The following TBC1D24 variants were observed in gnomAD, a reference collection of about 807,000 sequenced individuals.
The protein encoded by TBC1D24 is Infantile myoclonic epilepsy.
In TBC1D24, 47 loss-of-function variants were observed where a neutral mutation model predicts 50.7. The ratio of observed to expected loss-of-function variants is 0.93; its 90% CI spans 0.73 to 1.18. The LOEUF is 1.18. Among genes scored for constraint, TBC1D24 ranks in the 50% most tolerant of loss-of-function variants. The probability of loss-of-function intolerance (pLI) is 0.00; values close to 1 mark genes in which losing one functional copy is unlikely to be tolerated. For missense variants in TBC1D24, 688 were observed against 766.5 expected, an observed-to-expected ratio of 0.90 and a Z score of 1.21; for synonymous variants, 324 against 335.2, an observed-to-expected ratio of 0.97 and a Z score of 0.36.
rs1306595097 is a variant in TBC1D24 at position 2,499,802 on chromosome 16, G to T, written c.1207-33G>T. 2.5e-6 allele frequency: 4 copies of T among 1,594,118 alleles called. No individual in the cohort carries two copies. The African/African-American group carries it at 5.4e-5, about 21-fold the overall frequency. On this transcript the variant is annotated intron_variant, in intron 5 of 7. Transcript: ENST00000646147. This position sits in a 1 kb window ranked among gnomAD's most constrained non-coding sequence, Gnocchi z 4.0. The stretch of plus-strand genomic sequence containing the variant: ...AGCACAGGGACGCTCCTGGGGGCCT[G>T]CGGGCACAGCCTCACCCAGACCTTT...
intron 1 of TBC1D24, 67 bp from the exon 2 acceptor site, chr16:2,495,967 A>G: frequency 2.5e-6 from 2 of 808,986 alleles, no homozygotes; most frequent in Non-Finnish European, 3.9e-6. Context: ...CCACATTTGA[A>G]AAAATACGTT....
chr16:2,500,898 C>A lies in TBC1D24; in HGVS notation c.1620C>A (p.Ser540=), dbSNP rs781723084. ...CCTTCAACAACCAGCCCCTCTGCTCCGAGAACTTCCTCATTGCTGCCGTGG... is the reference window on the plus strand; with the variant it reads ...CCTTCAACAACCAGCCCCTCTGCTCAGAGAACTTCCTCATTGCTGCCGTGG... The part of the protein sequence containing the change: ...CDTFNNQPLC[S]ENFLIAAVEA... Residue 540 remains serine (S), a synonymous_variant, in exon 8 of 8, where the codon TCC becomes TCA. Coordinates refer to ENST00000646147, the MANE Select transcript of TBC1D24 (RefSeq NM_001199107.2). The surrounding 1 kb of genome is among the most constrained non-coding windows in gnomAD (Gnocchi z 8.0). 4 of 1,613,218 alleles carry A rather than the reference C, an allele frequency of 2.5e-6. No homozygotes were observed. The highest frequency in any genetic ancestry group is 3.4e-6 in the Non-Finnish European group (4 of 1,179,966).
At position 2,496,637 on chromosome 16, in the gene TBC1D24, C is replaced by A; in HGVS notation, c.489C>A (p.Asp163Glu). ...CCTGCCGCATCCTGGCCTGCAATGACCCCGGCAGGAGGCTGATCGACCAGA... is the reference window on the plus strand; with the variant it reads ...CCTGCCGCATCCTGGCCTGCAATGAACCCGGCAGGAGGCTGATCGACCAGA... ...EKACRILACN[D>E]PGRRLIDQSF... The change falls in exon 2 of 8, where the codon GAC becomes GAA. Residue 163 changes from aspartate (D) to glutamate (E), a missense_variant. Transcript: ENST00000646147. 4 of 1,612,316 alleles carry A rather than the reference C, an allele frequency of 2.5e-6. No individual in the cohort carries two copies. The highest frequency in any genetic ancestry group is 1.1e-5 in the South Asian group (1 of 91,084).
rs574768683 is a variant in TBC1D24, at chr16:2,498,269, A to G, written c.1015A>G (p.Asn339Asp). The change falls in exon 4 of 8, where the codon AAC becomes GAC. Residue 339 changes from asparagine to aspartate, a missense_variant. Coordinates refer to ENST00000646147, the MANE Select transcript of TBC1D24 (RefSeq NM_001199107.2). ...TGTACACTTGGCCGTCCATGCAGAG[A>G]ACTTCCGCTCGGAGATCGTCAGCGT... ...QFVHLAVHAENFRSEIVSVRE... is the reference protein window; with the variant it reads ...QFVHLAVHAEDFRSEIVSVRE... 8.4e-5 allele frequency: 136 copies of G among 1,611,550 alleles called. No individual in the cohort carries two copies. Among genetic ancestry groups the G allele is most frequent in the South Asian group, 6.6e-4 (60 of 90,376 alleles).
intron 1 of TBC1D24, among the ~76,000 whole-genome samples, chr16:2,491,988 G>T (rs1346463680): frequency 2.6e-5 from 4 of 151,954 alleles, no homozygotes; most frequent in Admixed American, 2.6e-4. Context: ...ACAGGTGCAT[G>T]CCACCAGGCC....
chr16:2,496,769 G>C lies in TBC1D24; in HGVS notation c.621G>C (p.Gln207His), dbSNP rs876658012. The change falls in exon 2 of 8, where the codon CAG (glutamine) becomes CAC (histidine). Residue 207 changes from glutamine (Q) to histidine (H), a missense_variant. Coordinates refer to ENST00000646147, the MANE Select transcript of TBC1D24 (RefSeq NM_001199107.2). Reference protein sequence around the residue: ...LMVAVSEDVLQVYADWQRWLF... With the variant: ...LMVAVSEDVLHVYADWQRWLF... ...TGGCCGTGTCGGAGGATGTCCTGCA[G>C]GTCTATGCGGACTGGCAGCGCTGGC... 1.2e-6 allele frequency: 2 copies of C among 1,614,036 alleles called. No homozygotes were observed. The highest frequency in any genetic ancestry group is 1.6e-4 in the Middle Eastern group (1 of 6,062).
intron 1 of TBC1D24, chr16:2,480,755 G>C (rs896782198): frequency 6.6e-6 from 1 of 152,216 alleles, no homozygotes; most frequent in African/African-American, 2.4e-5. Flanking sequence ...TGGTAAACCT[G>C]TGGCCTTAGG....
chr16:2,497,687 C>G, intron 2 of TBC1D24, 23 bp from the exon 3 acceptor site: 7 of 1,535,596 alleles, frequency 4.6e-6, no homozygotes, highest in Non-Finnish European at 6.1e-6. Context: ...TCTCCATGTC[C>G]GTTGCTTTCT....
At chr16:2,478,560 A>G (rs1030457628) in intron 1 of TBC1D24, 1 of 152,316 alleles carries the variant, frequency 6.6e-6, no homozygotes, top group African/African-American at 2.4e-5. Flanking sequence ...GCTGTGTGCC[A>G]TCCAAGCTGG....
Position 2,499,377 on chromosome 16 carries a change from G to C in TBC1D24, c.1163G>C (p.Gly388Ala). 6.2e-7 allele frequency: 1 copy of C among 1,613,596 alleles called. No individual in the cohort carries two copies. Among genetic ancestry groups the C allele is most frequent in the African/African-American group, 1.3e-5 (1 of 75,012 alleles). ...GCCAGGTTCTACTTCCAGTGTGAAG[G>C]ACATGAGCCTACCCTCTTGCTCATC... ...SLARFYFQCE[G>A]HEPTLLLIKT... Residue 388 changes from glycine to alanine, a missense_variant, in exon 5 of 8, where the codon GGA becomes GCA. Transcript: ENST00000646147. The surrounding 1 kb of genome is among the most constrained non-coding windows in gnomAD (Gnocchi z 4.0).
intron 1 of TBC1D24, among the ~76,000 whole-genome samples, chr16:2,489,621 T>C (rs1043555725): frequency 1.3e-5 from 2 of 152,108 alleles, no homozygotes; most frequent in Non-Finnish European, 2.9e-5. Flanking sequence ...AGCTTGGCTG[T>C]GGAGAGAGGC....
In TBC1D24 at chr16:2,475,746, G is replaced by T. The variant is rs969045868; in HGVS notation, c.-116+576G>T. Among the ~76,000 whole-genome samples the T allele has an allele frequency of 6.6e-6, 1 of 152,166 alleles. No homozygotes were observed. The highest frequency in any genetic ancestry group is 1.5e-5 in the Non-Finnish European group (1 of 68,024). ...GCCGCTGTCCTTCGGGCCCTGGGAG[G>T]TGGAAGCCAGGGACTCCCAGCCCTG... On this transcript the variant is annotated intron_variant, in intron 1 of 7. Transcript: ENST00000646147. The surrounding 1 kb of genome is among the most constrained non-coding windows in gnomAD (Gnocchi z 4.2).
At chr16:2,494,502 G>A (rs2065721624) in intron 1 of TBC1D24, among the ~76,000 whole-genome samples, 1 of 152,150 alleles carries the variant, frequency 6.6e-6, no homozygotes, top group Non-Finnish European at 1.5e-5. Flanking sequence ...AAGGCCCCCA[G>A]GGTGCAGGGT....
At chr16:2,490,703 A>G (rs555249969) in intron 1 of TBC1D24, among the ~76,000 whole-genome samples, 1 of 152,304 alleles carries the variant, frequency 6.6e-6, no homozygotes, top group East Asian at 1.9e-4. Context: ...AGACATGGCA[A>G]CCGCAGGTTA....
chr16:2,495,039 AAATAAT>A lies in TBC1D24; in HGVS notation c.-115-980_-115-975del, dbSNP rs566155674. On this transcript the variant is annotated intron_variant, in intron 1 of 7. Transcript: ENST00000646147. ...ACACACACACACACACACACAAAAT[AAATAAT>A]AATAATAATAATAAACAAAAAAACA... Among the ~76,000 whole-genome samples the A allele has an allele frequency of 2.7e-3, 398 of 149,030 alleles. 4 individuals carry two copies. Among genetic ancestry groups the A allele is most frequent in the African/African-American group, 9.6e-3 (376 of 38,978 alleles).
At position 2,487,955 on chromosome 16, in the gene TBC1D24, C is replaced by T. The variant is rs533864950; in HGVS notation, c.-115-8079C>T. 3.4e-4 allele frequency among the ~76,000 whole-genome samples: 52 copies of T among 152,192 alleles called. No homozygotes were observed. Among genetic ancestry groups the T allele is most frequent in the Non-Finnish European group, 6.9e-4 (47 of 68,026 alleles). Reference sequence around the variant, plus strand: ...AGCCAGCAGCTGTGGGGTTGTGTTCCGCCCCGAGGCTGGGGTGAGCTGCTT... The same window carrying T: ...AGCCAGCAGCTGTGGGGTTGTGTTCTGCCCCGAGGCTGGGGTGAGCTGCTT... On this transcript the variant is annotated intron_variant, in intron 1 of 7. Coordinates refer to ENST00000646147, the MANE Select transcript of TBC1D24 (RefSeq NM_001199107.2). This position sits in a 1 kb window ranked among gnomAD's most constrained non-coding sequence, Gnocchi z 4.1.
chr16:2,479,718 C>A (rs2065595984), intron 1 of TBC1D24: 1 of 152,320 alleles, frequency 6.6e-6, no homozygotes, highest in Non-Finnish European at 1.5e-5. Context: ...CCAACAGAAC[C>A]TGCTCACAGG....
Position 2,500,698 on chromosome 16 carries a change from G to A in TBC1D24, c.1526-106G>A. 1 of 1,465,046 alleles carries A rather than the reference G, an allele frequency of 6.8e-7. No homozygotes were observed. The highest frequency in any genetic ancestry group is 9.1e-7 in the Non-Finnish European group (1 of 1,097,046). 90.8% of individuals were successfully genotyped at this position (1,465,046 alleles called of 1,614,324 possible). A position where few individuals can be genotyped will look rare whatever the true frequency, so the allele number is the denominator to read the frequency against. On this transcript the variant is annotated intron_variant, in intron 7 of 7. Transcript: ENST00000646147. This position sits in a 1 kb window ranked among gnomAD's most constrained non-coding sequence, Gnocchi z 8.0. ...CTATGGAGGGTCAACGGTCTGTGCG[G>A]TTTCAGAGAGGCCCGTGCAGGGCAG...
Position 2,496,196 on chromosome 16 carries a change from C to T in TBC1D24, c.48C>T (p.Asp16=), listed in dbSNP as rs555276293. The T allele has an allele frequency of 2.9e-5, 47 of 1,613,942 alleles. No homozygotes were observed. Among genetic ancestry groups the T allele is most frequent in the Admixed American group, 2.0e-4 (12 of 60,032 alleles). ...GCTTCGTGGACAAAGACAAGATGGA[C>T]GCTGCCATCCAGGACCTGGGGCCCA... ...YNCFVDKDKM[D]AAIQDLGPKE... The change falls in exon 2 of 8, where the codon GAC becomes GAT. Residue 16 remains aspartate (D), a synonymous_variant. Transcript: ENST00000646147.
Sources: gnomAD v4.1 joint callset for allele counts (sites outside exome capture counted in the v4.1 genomes callset) on GRCh38, gnomAD v4.1.1 for gene constraint, Gnocchi (gnomAD v3.1) non-coding constraint, MANE v1.5 for transcripts, NCBI Gene and HGNC (gene_info 2026-07-23, HGNC 2026-07-21) for gene names.